The following RORB variants were observed in gnomAD, a reference collection of about 807,000 sequenced individuals.
The protein encoded by RORB is RAR related orphan receptor B, also known as nuclear receptor ROR-beta.
In RORB, 6 loss-of-function variants were observed where a neutral mutation model predicts 59.1. The observed-to-expected ratio is 0.10, with a 90% CI of 0.06 to 0.20. RORB has a LOEUF of 0.20. RORB is among the 10% of genes least tolerant of loss of function. The pLI is 1.00. For synonymous variants in RORB, 215 were observed against 204.5 expected (o/e 1.05, Z -0.44); for missense variants, 320 against 560.5 (o/e 0.57, Z 4.33).
chr9:74,629,221 G>T (rs1171607869), intron 1 of RORB, among the ~76,000 whole-genome samples: 1 of 151,142 alleles, frequency 6.6e-6, no homozygotes, highest in East Asian at 2.0e-4. Context: ...ACCCAAGTTG[G>T]AAGTAATCTT....
chr9:74,618,727 C>T lies in RORB; in HGVS notation c.8-11555C>T, dbSNP rs1823353996. On this transcript the variant is annotated intron_variant, in intron 1 of 9. Coordinates refer to ENST00000376896, the MANE Select transcript of RORB (RefSeq NM_006914.4). ...TGCTTTCTACACCAAACTTTAGTCA[C>T]TTGACTTTTGCTCGTGTGTGTGTGT... Among the ~76,000 whole-genome samples, 3 of 151,994 alleles carry T rather than the reference C, an allele frequency of 2.0e-5. No homozygotes were observed. The South Asian group carries it at 6.2e-4, about 32-fold the overall frequency.
At chr9:74,535,463 T>G (rs1278403781) in intron 1 of RORB, among the ~76,000 whole-genome samples, 1 of 151,936 alleles carries the variant, frequency 6.6e-6, no homozygotes, top group Non-Finnish European at 1.5e-5. Context: ...GAATAAATTT[T>G]CCAATCTTCC....
intron 1 of RORB, among the ~76,000 whole-genome samples, chr9:74,558,804 AG>A (rs1374020051): frequency 5.9e-5 from 9 of 152,174 alleles, no homozygotes; most frequent in African/African-American, 2.2e-4. Context: ...TGTGTTCAGG[AG>A]CTTTGCAATC....
chr9:74,598,009 T>C (rs975721364), intron 1 of RORB, among the ~76,000 whole-genome samples: 2 of 152,142 alleles, frequency 1.3e-5, no homozygotes, highest in Non-Finnish European at 2.9e-5. Flanking sequence ...ATATTTGATA[T>C]ACATTAGGTT....
At chr9:74,615,493 T>G in intron 1 of RORB, 1 of 317,024 alleles carries the variant, frequency 3.2e-6, no homozygotes, top group Non-Finnish European at 6.5e-6. Context: ...ATCTCATTAA[T>G]GCAGCCTGTT....
chr9:74,671,263 T>G (rs2118543968), intron 8 of RORB, among the ~76,000 whole-genome samples: 1 of 152,250 alleles, frequency 6.6e-6, no homozygotes, highest in Admixed American at 6.5e-5. Flanking sequence ...ATTCACCATT[T>G]AAGAATTCAA....
intron 2 of RORB, among the ~76,000 whole-genome samples, chr9:74,630,572 C>A (rs961191695): frequency 1.3e-5 from 2 of 152,114 alleles, no homozygotes; most frequent in Non-Finnish European, 1.5e-5. Flanking sequence ...AACTGGTCAG[C>A]AGCTCTTTAA....
intron 4 of RORB, among the ~76,000 whole-genome samples, chr9:74,643,640 G>A (rs1823846985): frequency 6.6e-6 from 1 of 152,200 alleles, no homozygotes; most frequent in South Asian, 2.1e-4. Context: ...ACTCTCCTGG[G>A]TAACAGGGTT....
chr9:74,618,770 T>TA (rs1823354960), intron 1 of RORB, among the ~76,000 whole-genome samples: 1 of 151,114 alleles, frequency 6.6e-6, no homozygotes, highest in Non-Finnish European at 1.5e-5. Flanking sequence ...TGTGTGTGTA[T>TA]ATTGTGGGGG....
chr9:74,631,970 T>C (rs1279732589), intron 2 of RORB, among the ~76,000 whole-genome samples: 5 of 152,220 alleles, frequency 3.3e-5, no homozygotes, highest in Non-Finnish European at 7.3e-5. Flanking sequence ...CCATTGAAAG[T>C]ATTTCTACCA....
chr9:74,553,815 G>A (rs914195631), intron 1 of RORB, among the ~76,000 whole-genome samples: 1 of 152,146 alleles, frequency 6.6e-6, no homozygotes, highest in Admixed American at 6.6e-5. Flanking sequence ...ACCAGAGTAG[G>A]CTGAGCTATG....
intron 1 of RORB, among the ~76,000 whole-genome samples, chr9:74,571,825 G>C (rs1020492477): frequency 1.7e-4 from 26 of 152,132 alleles, no homozygotes; most frequent in Non-Finnish European, 2.9e-5. Flanking sequence ...TTGCAAGGCA[G>C]GATTTCCAGC....
In RORB at chr9:74,624,460, C is replaced by G. The variant is rs563749637; in HGVS notation, c.8-5822C>G. 2.0e-5 allele frequency among the ~76,000 whole-genome samples: 3 copies of G among 152,346 alleles called. No individual in the cohort carries two copies. In the South Asian group the frequency reaches 6.2e-4, roughly 32 times the overall value. ...AGGAATCTTTTAGAATCACCACCTTCTAGCATGGTATAGCGGCCGAAGTTC... is the reference window on the plus strand; with the variant it reads ...AGGAATCTTTTAGAATCACCACCTTGTAGCATGGTATAGCGGCCGAAGTTC... On this transcript the variant is annotated intron_variant, in intron 1 of 9. Coordinates refer to ENST00000376896, the MANE Select transcript of RORB (RefSeq NM_006914.4).
intron 1 of RORB, among the ~76,000 whole-genome samples, chr9:74,546,965 G>A (rs149475888): frequency 8.3e-4 from 127 of 152,206 alleles, no homozygotes; most frequent in African/African-American, 2.3e-3. Flanking sequence ...ATGGTGGCGC[G>A]TGCCTGTAGT....
At chr9:74,564,154 C>G (rs1197840060) in intron 1 of RORB, among the ~76,000 whole-genome samples, 1 of 152,124 alleles carries the variant, frequency 6.6e-6, no homozygotes, top group Non-Finnish European at 1.5e-5. Flanking sequence ...CTGGTATCAC[C>G]TGCTTTGGGC....
At chr9:74,610,472 G>A (rs1823218031) in intron 1 of RORB, among the ~76,000 whole-genome samples, 2 of 152,104 alleles carry the variant, frequency 1.3e-5, no homozygotes, top group East Asian at 3.9e-4. Context: ...ATGTGCCCAG[G>A]GCTGGACTGA....
chr9:74,604,530 T>C (rs1828850068), intron 1 of RORB, among the ~76,000 whole-genome samples: 1 of 152,236 alleles, frequency 6.6e-6, no homozygotes, highest in African/African-American at 2.4e-5. Context: ...TAGTAAAATG[T>C]TCCTACTCAT....
chr9:74,516,378 A>G (rs1826010477), intron 1 of RORB, among the ~76,000 whole-genome samples: 1 of 152,046 alleles, frequency 6.6e-6, no homozygotes, highest in East Asian at 1.9e-4. Context: ...ACTAACATCT[A>G]TAATATATGT....
chr9:74,580,252 A>T (rs945465807), intron 1 of RORB, among the ~76,000 whole-genome samples: 1 of 152,166 alleles, frequency 6.6e-6, no homozygotes, highest in Non-Finnish European at 1.5e-5. Context: ...TGGAGGGATG[A>T]GGAAGTCATC....
Sources: gnomAD v4.1 joint callset for allele counts (sites outside exome capture counted in the v4.1 genomes callset) on GRCh38, gnomAD v4.1.1 for gene constraint, MANE v1.5 for transcripts, NCBI Gene and HGNC (gene_info 2026-07-23, HGNC 2026-07-21) for gene names.